Variants in EMC3 observed in about 807,000 individuals in gnomAD.
The protein encoded by EMC3 is 30 kDa protein.
Under a neutral mutation model 36.6 loss-of-function variants are expected in EMC3, and 13 were observed. The ratio of observed to expected loss-of-function variants is 0.35; its 90% CI spans 0.23 to 0.56. The LOEUF (loss-of-function observed/expected upper bound fraction) is 0.56. EMC3 is among the 20% of genes least tolerant of loss of function. EMC3 has a pLI of 0.84. For missense variants in EMC3, 220 were observed against 324.5 expected (o/e 0.68, Z 2.47); for synonymous variants, 120 against 111.9 (o/e 1.07, Z -0.46).
chr3:9,970,708 A>G (rs1286807197), intron 5 of EMC3, 47 bp from the exon 6 acceptor site: 2 of 1,591,382 alleles, frequency 1.3e-6, no homozygotes, highest in Non-Finnish European at 1.7e-6. Flanking sequence ...TATATCAGAG[A>G]GTAATGCAGT....
intron 1 of EMC3, among the ~76,000 whole-genome samples, chr3:9,985,597 T>A (rs776115060): frequency 1.3e-5 from 2 of 152,122 alleles, no homozygotes; most frequent in Non-Finnish European, 2.9e-5. Context: ...TATCTGTATA[T>A]AAATATTGCA....
chr3:9,990,261 T>A (rs748538919), upstream of EMC3, among the ~76,000 whole-genome samples: 8 of 151,392 alleles, frequency 5.3e-5, no homozygotes, highest in Non-Finnish European at 7.4e-5. Flanking sequence ...CCTGACCTTA[T>A]GATCCACCTC....
At chr3:10,005,403 A>G (rs1222697996) in intron 1 of EMC3, among the ~76,000 whole-genome samples, 1 of 152,156 alleles carries the variant, frequency 6.6e-6, no homozygotes, top group East Asian at 1.9e-4. Flanking sequence ...GTGGCCCCAG[A>G]ACGCTCCCTG....
At chr3:9,975,907 C>T (rs1379842262) in intron 3 of EMC3, among the ~76,000 whole-genome samples, 5 of 149,494 alleles carry the variant, frequency 3.3e-5, no homozygotes, top group African/African-American at 9.8e-5. Context: ...ATTTAATGGT[C>T]TTTTGTTTCT....
At chr3:9,987,189 G>A (rs541415140), upstream of EMC3, 250 of 956,636 alleles carry the variant, frequency 2.6e-4, 2 homozygotes, top group African/African-American at 4.3e-3. Context: ...ACTCCAGCCT[G>A]GGCGACAGAG....
rs1461623657 is a variant in EMC3 at position 9,963,475 on chromosome 3, A to ATTTTTT, written c.*593_*594insAAAAAA. Reference sequence around the variant, plus strand: ...GATAGATATATATATATATATATATATATTTTTTTTTTTTTTTCAGATGGA... The same window carrying ATTTTTT: ...GATAGATATATATATATATATATATATTTTTTTATTTTTTTTTTTTTTTCAGATGGA... On this transcript the variant is annotated 3_prime_UTR_variant, in exon 8 of 8. Coordinates refer to ENST00000245046, the MANE Select transcript of EMC3 (RefSeq NM_001394674.1). The ATTTTTT allele has an allele frequency of 9.3e-4, 95 of 102,530 alleles. No homozygotes were observed. Among genetic ancestry groups the ATTTTTT allele is most frequent in the African/African-American group, 1.5e-3 (42 of 28,748 alleles). 6.4% of individuals were successfully genotyped at this position (102,530 alleles called of 1,614,324 possible).
upstream of EMC3, chr3:9,986,924 A>G (rs1181286682): frequency 2.4e-6 from 3 of 1,259,144 alleles, no homozygotes; most frequent in Non-Finnish European, 3.0e-6. Flanking sequence ...GTGGAAAACT[A>G]TCGGCGGTGG....
upstream of EMC3, chr3:9,987,161 C>T (rs2085985170): frequency 1.1e-6 from 1 of 879,494 alleles, no homozygotes; most frequent in Non-Finnish European, 1.4e-6. Context: ...CTGCAGTGAG[C>T]CGAGATTGCT....
At chr3:9,966,279 G>A (rs2085735947) in intron 7 of EMC3, among the ~76,000 whole-genome samples, 1 of 150,704 alleles carries the variant, frequency 6.6e-6, no homozygotes, top group Non-Finnish European at 1.5e-5. Flanking sequence ...CTGGAGTGCA[G>A]TGGCGCAATC....
At chr3:9,995,437 G>A (rs570411260) in intron 1 of EMC3, among the ~76,000 whole-genome samples, 2 of 151,192 alleles carry the variant, frequency 1.3e-5, no homozygotes, top group Non-Finnish European at 2.9e-5. Flanking sequence ...AGGTCAAGAC[G>A]GGATGGTCAA....
intron 3 of EMC3, among the ~76,000 whole-genome samples, chr3:9,975,506 T>TAA (rs34914002): frequency 2.2e-5 from 3 of 135,094 alleles, no homozygotes; most frequent in Non-Finnish European, 1.6e-5. Flanking sequence ...CTTACTGGGC[T>TAA]AAAAAAAAAA....
At chr3:9,987,900 C>T, upstream of EMC3, 2 of 965,586 alleles carry the variant, frequency 2.1e-6, no homozygotes, top group South Asian at 2.5e-5. Context: ...TATTAACTTT[C>T]TGCAGGTAAT....
chr3:9,998,366 A>AAATAATAATAATAATAATAAT (rs35879571), intron 1 of EMC3, among the ~76,000 whole-genome samples: 76 of 137,380 alleles, frequency 5.5e-4, no homozygotes, highest in Non-Finnish European at 8.2e-4. Flanking sequence ...ACTCTGTCTC[A>AAATAATAATAATAATAATAAT]AATAATAATA....
rs2085914781 is a variant in EMC3, at chr3:9,981,835, T to C, written c.156-4389A>G. The C allele has an allele frequency of 1.5e-4, 59 of 386,058 alleles. 1 individual carries two copies. The highest frequency in any genetic ancestry group is 1.1e-3 in the South Asian group (59 of 52,428). 23.9% of individuals were successfully genotyped at this position (386,058 alleles called of 1,614,324 possible). ...TGTTTCTTCCTTTCCAAAATGTCAG[T>C]AGTATATTTGTCAAGTCTGAGAACC... is the stretch of plus-strand genomic sequence containing the variant. On this transcript the variant is annotated intron_variant, in intron 1 of 7. Transcript: ENST00000245046.
upstream of EMC3, among the ~76,000 whole-genome samples, chr3:9,989,773 A>C (rs9827322): frequency 0.025 from 3,750 of 152,154 alleles, 171 homozygotes; most frequent in African/African-American, 0.086. Context: ...TATAAATATA[A>C]ATATAATTTG....
At chr3:9,966,565 C>A (rs2085738418) in intron 7 of EMC3, among the ~76,000 whole-genome samples, 1 of 151,244 alleles carries the variant, frequency 6.6e-6, no homozygotes, top group African/African-American at 2.4e-5. Flanking sequence ...ACAGAGTGAT[C>A]TCACTCTGTC....
Position 9,977,026 on chromosome 3 carries a change from A to C in EMC3, c.238T>G (p.Phe80Val). The change falls in exon 3 of 8, where the codon TTC becomes GTC. Residue 80 changes from phenylalanine to valine, a missense_variant. Physicochemically the swap from Phe to Val is conservative, Grantham distance 50 (BLOSUM62 -1). This residue lies in a region of EMC3 where 127 missense variants were observed against 174.6 expected (regional missense o/e 0.73). Transcript: ENST00000245046. ...KQSFLTRKYY[F>V]NNPEDGFFKK... ...AAAAATCCATCCTCTGGGTTGTTGA[A>C]ATAATATTTTCGTGTCAAGAAAGAC... 1 of 1,608,710 alleles carries C rather than the reference A, an allele frequency of 6.2e-7. No individual in the cohort carries two copies. The highest frequency in any genetic ancestry group is 8.5e-7 in the Non-Finnish European group (1 of 1,178,510).
intron 1 of EMC3, among the ~76,000 whole-genome samples, chr3:9,997,899 T>A (rs2086147521): frequency 6.6e-6 from 1 of 152,200 alleles, no homozygotes; most frequent in Non-Finnish European, 1.5e-5. Flanking sequence ...CTGTTTTCGG[T>A]TCTTTAGGGT....
chr3:9,990,861 C>G (rs554405383), upstream of EMC3, among the ~76,000 whole-genome samples: 1 of 150,450 alleles, frequency 6.6e-6, no homozygotes, highest in Non-Finnish European at 1.5e-5. Flanking sequence ...GACGGAGTCT[C>G]GCTGTCGCCC....
Sources: gnomAD v4.1 joint callset for allele counts (sites outside exome capture counted in the v4.1 genomes callset) on GRCh38, gnomAD v4.1.1 for gene constraint, gnomAD v4.1.1 regional missense constraint, MANE v1.5 for transcripts, NCBI Gene and HGNC (gene_info 2026-07-23, HGNC 2026-07-21) for gene names.